The following CAP2 variants were observed in gnomAD, a reference collection of about 807,000 sequenced individuals.
CAP2 encodes adenylyl cyclase-associated protein 2.
In CAP2, 24 loss-of-function variants were observed where a neutral mutation model predicts 57.7. The ratio of observed to expected loss-of-function variants is 0.42; its 90% CI spans 0.30 to 0.58. The LOEUF is 0.58. Among genes scored for constraint, CAP2 ranks in the 20% least tolerant of loss-of-function variants. The pLI, the probability that CAP2 is intolerant of heterozygous loss-of-function variation, is 0.22. For missense variants in CAP2, 501 were observed against 590.3 expected, an observed-to-expected ratio of 0.85 and a Z score of 1.57; for synonymous variants, 194 against 207.2, an observed-to-expected ratio of 0.94 and a Z score of 0.55.
intron 1 of CAP2, among the ~76,000 whole-genome samples, chr6:17,419,210 C>T (rs1759364878): frequency 6.6e-6 from 1 of 152,166 alleles, no homozygotes; most frequent in Non-Finnish European, 1.5e-5. Context: ...TGACGGACTA[C>T]AAAACACATA....
chr6:17,413,670 A>T (rs1759198686), intron 1 of CAP2, among the ~76,000 whole-genome samples: 1 of 152,352 alleles, frequency 6.6e-6, no homozygotes, highest in African/African-American at 2.4e-5. Context: ...TTACCCAATT[A>T]GTAATAGTGA....
intron 7 of CAP2, chr6:17,536,292 G>C (rs1762772116): frequency 2.2e-6 from 1 of 456,622 alleles, no homozygotes; most frequent in South Asian, 1.5e-5. Flanking sequence ...AGCTCACGGA[G>C]ATCCAGTGAA....
chr6:17,490,229 A>C (rs1286619181), intron 4 of CAP2, among the ~76,000 whole-genome samples: 1 of 152,186 alleles, frequency 6.6e-6, no homozygotes, highest in Non-Finnish European at 1.5e-5. Flanking sequence ...TTTCCATGTC[A>C]GAAAATGGCA....
At chr6:17,446,646 T>TTTTACATG (rs1204945909) in intron 3 of CAP2, among the ~76,000 whole-genome samples, 6 of 152,230 alleles carry the variant, frequency 3.9e-5, no homozygotes, top group African/African-American at 1.2e-4. Flanking sequence ...TATTGAGTGT[T>TTTTACATG]TTTACAGTTT....
At chr6:17,480,144 C>G (rs181229432) in intron 4 of CAP2, among the ~76,000 whole-genome samples, 40 of 152,180 alleles carry the variant, frequency 2.6e-4, no homozygotes, top group African/African-American at 8.7e-4. Context: ...ATCAGGAATG[C>G]TGCCATAATC....
intron 4 of CAP2, among the ~76,000 whole-genome samples, chr6:17,469,878 G>C (rs767687542): frequency 2.0e-5 from 3 of 152,190 alleles, no homozygotes; most frequent in Non-Finnish European, 2.9e-5. Flanking sequence ...GCATGGAGCA[G>C]TCATCAAATT....
chr6:17,453,689 C>T lies in CAP2; in HGVS notation c.223-9307C>T, dbSNP rs1451076054. ...TGAGGAAGCAGTGAAGACACTATTC[C>T]CACAAAGTTAACCCACAGTGGTAAT... On this transcript the variant is annotated intron_variant, in intron 3 of 12. Transcript: ENST00000229922. 3.9e-5 allele frequency among the ~76,000 whole-genome samples: 6 copies of T among 152,170 alleles called. No individual in the cohort carries two copies. In the East Asian group the frequency reaches 1.2e-3, roughly 29 times the overall value.
chr6:17,468,334 A>C lies in CAP2; in HGVS notation c.300+5261A>C, dbSNP rs535170193. Among the ~76,000 whole-genome samples the C allele has an allele frequency of 1.5e-4, 23 of 152,346 alleles. No homozygotes were observed. The South Asian group carries it at 4.6e-3, about 30-fold the overall frequency. ...CTCTTGCATTCTCTAATACTAGGACATTTCAACATTTCAGCCTTGACCCAC... is the reference window on the plus strand; with the variant it reads ...CTCTTGCATTCTCTAATACTAGGACCTTTCAACATTTCAGCCTTGACCCAC... On this transcript the variant is annotated intron_variant, in intron 4 of 12. Transcript: ENST00000229922.
Position 17,507,624 on chromosome 6 carries a change from C to A in CAP2, c.445-17C>A. The A allele has an allele frequency of 1.4e-6, 2 of 1,475,296 alleles. No homozygotes were observed. The highest frequency in any genetic ancestry group is 1.9e-6 in the Non-Finnish European group (2 of 1,055,374). 91.4% of individuals were successfully genotyped at this position (1,475,296 alleles called of 1,614,324 possible). On this transcript the variant is annotated splice_polypyrimidine_tract_variant and intron_variant, in intron 5 of 12. Transcript: ENST00000229922. Reference sequence around the variant, plus strand: ...TTTTTTTCCTTCTATGCTTGGGTGACGGTCCTGTTTTCTCAGTCTCCCAAA... The same window carrying A: ...TTTTTTTCCTTCTATGCTTGGGTGAAGGTCCTGTTTTCTCAGTCTCCCAAA...
At chr6:17,425,745 G>A (rs77936698) in intron 2 of CAP2, among the ~76,000 whole-genome samples, 3,369 of 152,214 alleles carry the variant, frequency 0.022, 131 homozygotes, top group African/African-American at 0.076. Context: ...CTTTACTCAG[G>A]AGGATGAAAA....
chr6:17,431,757 C>G (rs529230399), intron 3 of CAP2, among the ~76,000 whole-genome samples: 1 of 152,056 alleles, frequency 6.6e-6, no homozygotes, highest in African/African-American at 2.4e-5. Context: ...TGCTCCTTAA[C>G]GAGGCAGGAT....
At chr6:17,438,366 G>A (rs1050424708) in intron 3 of CAP2, among the ~76,000 whole-genome samples, 7 of 140,834 alleles carry the variant, frequency 5.0e-5, no homozygotes, top group Non-Finnish European at 9.0e-5. Context: ...ATTCCATCTC[G>A]AAAAACAAAC....
At chr6:17,420,165 C>T (rs971095599) in intron 1 of CAP2, among the ~76,000 whole-genome samples, 24 of 152,100 alleles carry the variant, frequency 1.6e-4, no homozygotes, top group African/African-American at 5.6e-4. Flanking sequence ...CCACCGCACC[C>T]AGTCACCCTG....
chr6:17,553,916 C>T (rs772848692), intron 12 of CAP2, among the ~76,000 whole-genome samples: 4 of 152,120 alleles, frequency 2.6e-5, no homozygotes, highest in African/African-American at 7.2e-5. Flanking sequence ...CTCTACTTGG[C>T]CTGGTTCTTG....
chr6:17,525,487 A>G (rs1490176195), intron 7 of CAP2, among the ~76,000 whole-genome samples: 1 of 151,826 alleles, frequency 6.6e-6, no homozygotes, highest in African/African-American at 2.4e-5. Flanking sequence ...AAAAGAAAGA[A>G]AAAAGAAGCT....
At chr6:17,487,301 C>T (rs1761442565) in intron 4 of CAP2, among the ~76,000 whole-genome samples, 1 of 152,098 alleles carries the variant, frequency 6.6e-6, no homozygotes, top group African/African-American at 2.4e-5. Context: ...TGCTGTCCCC[C>T]TTTCCCTGCC....
chr6:17,512,633 G>C (rs958651658), intron 6 of CAP2, among the ~76,000 whole-genome samples: 2 of 152,170 alleles, frequency 1.3e-5, no homozygotes, highest in African/African-American at 4.8e-5. Flanking sequence ...TAACAAGAGA[G>C]ACCGTTGGAG....
At chr6:17,423,240 T>C (rs1012617082) in intron 2 of CAP2, among the ~76,000 whole-genome samples, 2 of 152,184 alleles carry the variant, frequency 1.3e-5, no homozygotes, top group African/African-American at 2.4e-5. Context: ...AAAATTACTG[T>C]GTGAGCACAA....
intron 6 of CAP2, among the ~76,000 whole-genome samples, chr6:17,512,199 G>A (rs1009565557): frequency 6.6e-6 from 1 of 151,908 alleles, no homozygotes; most frequent in Non-Finnish European, 1.5e-5. Flanking sequence ...AGACCAGCCT[G>A]GGCAACATAG....
Sources: allele counts gnomAD v4.1 joint callset (sites outside exome capture counted in the v4.1 genomes callset), GRCh38; gene constraint gnomAD v4.1.1; transcripts MANE v1.5; gene names NCBI Gene and HGNC (gene_info 2026-07-23, HGNC 2026-07-21).